Variants in DYNLRB1 observed in about 807,000 individuals in gnomAD.
DYNLRB1 encodes ROBL/LC7-like 1.
Under a neutral mutation model 13.5 loss-of-function variants are expected in DYNLRB1, and 6 were observed. That is an observed-to-expected ratio of 0.44 (90% CI 0.24 to 0.88). The LOEUF is 0.88. DYNLRB1 is among the 40% of genes least tolerant of loss of function. The pLI is 0.21. For missense variants in DYNLRB1, 93 were observed against 127.2 expected, an observed-to-expected ratio of 0.73 and a Z score of 1.29; for synonymous variants, 43 against 45.0, an observed-to-expected ratio of 0.96 and a Z score of 0.18.
intron 2 of DYNLRB1, chr20:34,526,717 A>G (rs1330233765): frequency 1.9e-5 from 4 of 211,424 alleles, no homozygotes; most frequent in Non-Finnish European, 3.8e-5. Flanking sequence ...CCAGAGGACC[A>G]TAATCATAGT....
intron 1 of DYNLRB1, among the ~76,000 whole-genome samples, chr20:34,517,428 CAT>C (rs1187983707): frequency 2.6e-5 from 4 of 152,100 alleles, no homozygotes; most frequent in Admixed American, 2.0e-4. Context: ...TCATTACAAA[CAT>C]GTAATAATGC....
At chr20:34,515,728 C>A (rs1192573002), upstream of DYNLRB1, among the ~76,000 whole-genome samples, 2 of 152,154 alleles carry the variant, frequency 1.3e-5, no homozygotes, top group East Asian at 3.9e-4. Context: ...TCAGTCTGGG[C>A]GCAAAGCGGG....
intron 1 of DYNLRB1, among the ~76,000 whole-genome samples, chr20:34,517,624 TTTC>T (rs1257146471): frequency 1.2e-4 from 16 of 139,100 alleles, no homozygotes; most frequent in Non-Finnish European, 2.4e-4. Context: ...ACATTCATTA[TTTC>T]TTTTTTTTTT....
At chr20:34,529,808 C>T in intron 2 of DYNLRB1, 1 of 1,400,904 alleles carries the variant, frequency 7.1e-7, no homozygotes, top group Non-Finnish European at 9.3e-7. Flanking sequence ...TGCTCCCCAG[C>T]CCTGTCTAGT....
chr20:34,524,763 G>A (rs1980048255), intron 1 of DYNLRB1, among the ~76,000 whole-genome samples: 3 of 148,976 alleles, frequency 2.0e-5, no homozygotes, highest in African/African-American at 2.5e-5. Flanking sequence ...AGTCCCAGTC[G>A]CCCATGCTGG....
chr20:34,526,361 C>T lies in DYNLRB1; in HGVS notation c.79+18C>T. The stretch of plus-strand genomic sequence containing the variant: ...CACAGAAGGTACGCCCTCCCTCCCG[C>T]CATGACCCGCACCCAGGCAGGCCCA... On this transcript the variant is annotated intron_variant, in intron 2 of 3. Transcript: ENST00000357156. 3 of 1,613,388 alleles carry T rather than the reference C, an allele frequency of 1.9e-6. No individual in the cohort carries two copies. Among genetic ancestry groups the T allele is most frequent in the Non-Finnish European group, 2.5e-6 (3 of 1,179,748 alleles).
chr20:34,528,128 C>T lies in DYNLRB1; in HGVS notation c.79+1785C>T, dbSNP rs1296633781. Among the ~76,000 whole-genome samples, 8 of 65,832 alleles carry T rather than the reference C, an allele frequency of 1.2e-4. 2 individuals carry two copies. Among genetic ancestry groups the T allele is most frequent in the East Asian group, 3.5e-4 (1 of 2,848 alleles). The allele number at this position is 65,832 out of a possible 152,430, so 43.2% of individuals were successfully genotyped here. A position where few individuals can be genotyped will look rare whatever the true frequency, so the allele number is the denominator to read the frequency against. On this transcript the variant is annotated intron_variant, in intron 2 of 3. Coordinates refer to ENST00000357156, the MANE Select transcript of DYNLRB1 (RefSeq NM_014183.4). ...GAGATCGAGACCATCCCGGCTAAAA[C>T]GGTGAAACCCCGTCTCTACTAAAAA...
chr20:34,536,936 CCT>C (rs938689004), intron 3 of DYNLRB1, among the ~76,000 whole-genome samples: 3 of 152,072 alleles, frequency 2.0e-5, no homozygotes, highest in Admixed American at 6.6e-5. Context: ...GAGAATGTCT[CCT>C]CTGGAAGGAC....
chr20:34,535,045 T>A (rs531177407), intron 3 of DYNLRB1: 26 of 1,328,040 alleles, frequency 2.0e-5, no homozygotes, highest in Middle Eastern at 2.6e-4. Context: ...ATCATGTGTG[T>A]CTCCCCTTCC....
intron 1 of DYNLRB1, among the ~76,000 whole-genome samples, chr20:34,519,312 T>C (rs1031829900): frequency 2.0e-5 from 3 of 152,196 alleles, no homozygotes; most frequent in African/African-American, 7.2e-5. Context: ...GGCAGTTGGG[T>C]GTGTTTCCTT....
chr20:34,526,476 T>G, intron 2 of DYNLRB1, 133 bp downstream of exon 2: 51 of 401,720 alleles, frequency 1.3e-4, no homozygotes, highest in Non-Finnish European at 1.8e-4. Flanking sequence ...TTTTAACACC[T>G]CCAGTGTTCT....
intron 2 of DYNLRB1, among the ~76,000 whole-genome samples, chr20:34,529,353 G>C (rs1980516608): frequency 6.6e-6 from 1 of 152,240 alleles, no homozygotes; most frequent in Non-Finnish European, 1.5e-5. Flanking sequence ...TTTTGGAGAA[G>C]CAGAGTTCTC....
rs1041826833 is a variant in DYNLRB1 at position 34,536,305 on chromosome 20, C to A, written c.247+1510C>A. The A allele has an allele frequency of 2.1e-5, 21 of 985,268 alleles. 1 individual carries two copies. Among genetic ancestry groups the A allele is most frequent in the Non-Finnish European group, 2.4e-5 (20 of 829,936 alleles). The allele number at this position is 985,268 out of a possible 1,614,324, so 61.0% of individuals were successfully genotyped here. A position where few individuals can be genotyped will look rare whatever the true frequency, so the allele number is the denominator to read the frequency against. On this transcript the variant is annotated intron_variant, in intron 3 of 3. Coordinates refer to ENST00000357156, the MANE Select transcript of DYNLRB1 (RefSeq NM_014183.4). ...CATCTGTAAAGTGTCGAGTAGGGGA[C>A]TGTGCTGTGCTGATGTCCTGAGCCA... is the stretch of plus-strand genomic sequence containing the variant.
chr20:34,540,578 C>G lies in DYNLRB1; in HGVS notation c.248-3C>G, dbSNP rs779995802. 6.2e-7 allele frequency: 1 copy of G among 1,612,392 alleles called. No individual in the cohort carries two copies. Among genetic ancestry groups the G allele is most frequent in the East Asian group, 2.2e-5 (1 of 44,834 alleles). On this transcript the variant is annotated splice_region_variant and splice_polypyrimidine_tract_variant and intron_variant, in intron 3 of 3. Transcript: ENST00000357156. The stretch of plus-strand genomic sequence containing the variant: ...GATTTTTTTTCATTTTTCTCTTTTG[C>G]AGATAAAGACTATTTCCTGATTGTG...
chr20:34,535,525 C>A, intron 3 of DYNLRB1: 1 of 740,916 alleles, frequency 1.3e-6, no homozygotes, highest in Non-Finnish European at 1.6e-6. Flanking sequence ...AGCAACAGAG[C>A]CACATCTCCT....
intron 2 of DYNLRB1, among the ~76,000 whole-genome samples, chr20:34,533,136 T>C (rs948224906): frequency 1.3e-5 from 2 of 152,210 alleles, no homozygotes; most frequent in Admixed American, 6.5e-5. Flanking sequence ...CTCACCTCTG[T>C]GACAGTAGGC....
At chr20:34,526,135 T>G in intron 1 of DYNLRB1, 133 bp from the exon 2 acceptor site, 1 of 927,574 alleles carries the variant, frequency 1.1e-6, no homozygotes, top group Non-Finnish European at 1.7e-6. Flanking sequence ...CTGGGGAACT[T>G]TGAGGGTGTG....
intron 2 of DYNLRB1, among the ~76,000 whole-genome samples, chr20:34,532,013 C>G (rs1197220091): frequency 6.6e-6 from 1 of 152,164 alleles, no homozygotes; most frequent in African/African-American, 2.4e-5. Flanking sequence ...ACCATTGGGG[C>G]CCAAAGGTGA....
At chr20:34,536,548 C>G in intron 3 of DYNLRB1, 2 of 875,592 alleles carry the variant, frequency 2.3e-6, no homozygotes, top group South Asian at 5.3e-5. Context: ...AGTTCAAGAC[C>G]AGCCTGACCA....
Sources: allele counts gnomAD v4.1 joint callset (sites outside exome capture counted in the v4.1 genomes callset), GRCh38; gene constraint gnomAD v4.1.1; transcripts MANE v1.5; gene names NCBI Gene and HGNC (gene_info 2026-07-23, HGNC 2026-07-21).